The following LINGO2 variants were observed in gnomAD, a reference collection of about 807,000 sequenced individuals.
LINGO2 encodes the protein leucine-rich repeat and immunoglobulin-like domain-containing nogo receptor-interacting protein 2.
LINGO2 carries 14 observed loss-of-function variants against 30.6 expected under a neutral mutation model. The observed-to-expected ratio is 0.46, with a 90% confidence interval of 0.30 to 0.72. The LOEUF is 0.72. LINGO2 is among the 30% of genes least tolerant of loss of function. The pLI, the probability that LINGO2 is intolerant of heterozygous loss-of-function variation, is 0.07. For synonymous variants in LINGO2, 317 were observed against 288.5 expected (o/e 1.10, Z -1.00); for missense variants, 729 against 751.7 (o/e 0.97, Z 0.35).
At chr9:28,597,944 T>C (rs954554535) in intron 1 of LINGO2, among the ~76,000 whole-genome samples, 4 of 152,078 alleles carry the variant, frequency 2.6e-5, no homozygotes, top group Middle Eastern at 3.4e-3. Flanking sequence ...TTTGTATTTT[T>C]AGTAGAGAAG....
intron 1 of LINGO2, among the ~76,000 whole-genome samples, chr9:28,654,641 C>A (rs184065648): frequency 6.6e-6 from 1 of 152,182 alleles, no homozygotes; most frequent in South Asian, 2.1e-4. Flanking sequence ...AGATTTTACA[C>A]TACCATAGAG....
At chr9:28,729,578 G>A in the LINGO2 span, among the ~76,000 whole-genome samples, 1 of 151,736 alleles carries the variant, frequency 6.6e-6, no homozygotes, top group African/African-American at 2.4e-5. Context: ...AACAAAAAGT[G>A]CTCTTTGTAT....
chr9:28,606,350 T>C (rs1825693778), intron 1 of LINGO2, among the ~76,000 whole-genome samples: 1 of 152,040 alleles, frequency 6.6e-6, no homozygotes, highest in African/African-American at 2.4e-5. Flanking sequence ...GTGAGTGAGC[T>C]CTTTAAATGA....
At chr9:28,726,131 C>A in the LINGO2 span, among the ~76,000 whole-genome samples, 1 of 152,070 alleles carries the variant, frequency 6.6e-6, no homozygotes, top group Non-Finnish European at 1.5e-5. Flanking sequence ...TAATGTGGTA[C>A]TGCTTATCAG....
chr9:28,500,133 T>C (rs1225217245), intron 1 of LINGO2, among the ~76,000 whole-genome samples: 1 of 152,118 alleles, frequency 6.6e-6, no homozygotes, highest in East Asian at 1.9e-4. Flanking sequence ...AGGGTAAAAC[T>C]CTGAATAGAG....
intron 2 of LINGO2, among the ~76,000 whole-genome samples, chr9:28,409,080 A>G (rs528510593): frequency 1.3e-5 from 2 of 152,216 alleles, no homozygotes; most frequent in Non-Finnish European, 2.9e-5. Context: ...CCCACTGGGC[A>G]CCTGTCTAAG....
At chr9:28,754,641 T>G in the LINGO2 span, among the ~76,000 whole-genome samples, 1 of 151,780 alleles carries the variant, frequency 6.6e-6, no homozygotes, top group Non-Finnish European at 1.5e-5. Context: ...TGTCCTTTTT[T>G]TTTTTTTGAG....
At chr9:28,461,249 A>C (rs916395978) in intron 2 of LINGO2, among the ~76,000 whole-genome samples, 1 of 152,164 alleles carries the variant, frequency 6.6e-6, no homozygotes, top group Non-Finnish European at 1.5e-5. Context: ...TATCGAGATA[A>C]TAAGACAATT....
At chr9:28,368,610 T>A (rs944640665) in intron 3 of LINGO2, among the ~76,000 whole-genome samples, 1 of 144,984 alleles carries the variant, frequency 6.9e-6, no homozygotes, top group African/African-American at 2.6e-5. Context: ...TTTTTTTTTC[T>A]TTTTGAGACG....
chr9:27,977,692 C>A (rs535113122), intron 5 of LINGO2, among the ~76,000 whole-genome samples: 111 of 151,670 alleles, frequency 7.3e-4, no homozygotes, highest in African/African-American at 2.6e-3. Flanking sequence ...TTAAAGTGAT[C>A]TCTAAACTTT....
chr9:28,174,202 C>T (rs922581819), intron 4 of LINGO2, among the ~76,000 whole-genome samples: 3 of 152,176 alleles, frequency 2.0e-5, no homozygotes, highest in African/African-American at 4.8e-5. Context: ...TGAGCTGCGA[C>T]ATTTCTAAAA....
chr9:28,551,364 A>G (rs1198857483), intron 1 of LINGO2, among the ~76,000 whole-genome samples: 1 of 151,820 alleles, frequency 6.6e-6, no homozygotes, highest in Non-Finnish European at 1.5e-5. Context: ...AAGTATGTAT[A>G]TTTATTATTA....
At chr9:28,937,148 C>G in the LINGO2 span, among the ~76,000 whole-genome samples, 2 of 152,136 alleles carry the variant, frequency 1.3e-5, no homozygotes, top group African/African-American at 4.8e-5. Flanking sequence ...AATCTACCCT[C>G]TGGTCCCCCA....
the LINGO2 span, among the ~76,000 whole-genome samples, chr9:28,678,476 T>A: frequency 6.6e-6 from 1 of 152,164 alleles, no homozygotes; most frequent in Non-Finnish European, 1.5e-5. Context: ...CAATTTTTCA[T>A]AATAGAGTGG....
At chr9:28,067,107 G>A (rs1304498876) in intron 4 of LINGO2, among the ~76,000 whole-genome samples, 2 of 152,008 alleles carry the variant, frequency 1.3e-5, no homozygotes, top group Non-Finnish European at 2.9e-5. Context: ...AGCACTCAAA[G>A]TTTCAAAATA....
At chr9:29,200,638 A>G in the LINGO2 span, among the ~76,000 whole-genome samples, 10 of 152,136 alleles carry the variant, frequency 6.6e-5, no homozygotes, top group East Asian at 1.9e-4. Flanking sequence ...AACATCTTAC[A>G]TAAGTATGGT....
the LINGO2 span, among the ~76,000 whole-genome samples, chr9:28,963,332 C>T: frequency 5.7e-4 from 86 of 151,902 alleles, no homozygotes; most frequent in African/African-American, 2.0e-3. Context: ...CAGCTCAAGA[C>T]TAGTACATTG....
the LINGO2 span, among the ~76,000 whole-genome samples, chr9:28,699,800 G>T: frequency 6.6e-6 from 1 of 151,864 alleles, no homozygotes; most frequent in Non-Finnish European, 1.5e-5. Context: ...TGTCTTATGC[G>T]GTTGAGATGA....
intron 4 of LINGO2, among the ~76,000 whole-genome samples, chr9:28,285,904 G>A (rs6476053): frequency 0.98 from 149,667 of 152,256 alleles, 73,606 homozygotes; most frequent in Middle Eastern, 1. Context: ...AAAATGGCAA[G>A]CCCTACTTCT....
Sources: gnomAD v4.1 joint callset for allele counts (sites outside exome capture counted in the v4.1 genomes callset) on GRCh38, gnomAD v4.1.1 for gene constraint, MANE v1.5 for transcripts, NCBI Gene and HGNC (gene_info 2026-07-23, HGNC 2026-07-21) for gene names.